The following WDPCP variants were observed in gnomAD, a reference collection of about 807,000 sequenced individuals.
The protein encoded by WDPCP is WD repeat containing planar cell polarity effector.
Under a neutral mutation model 93.1 loss-of-function variants are expected in WDPCP, and 71 were observed. The observed-to-expected ratio is 0.76, with a 90% CI of 0.63 to 0.93. The LOEUF (loss-of-function observed/expected upper bound fraction) is 0.93. Among genes scored for constraint, WDPCP ranks in the 40% least tolerant of loss-of-function variants. The pLI is 0.00. For synonymous variants in WDPCP, 315 were observed against 315.0 expected (o/e 1.00, Z 0.00); for missense variants, 844 against 887.4 (o/e 0.95, Z 0.62).
intron 1 of WDPCP, among the ~76,000 whole-genome samples, chr2:63,516,779 A>AAAAAAAACCC (rs1253403730): frequency 1.8e-4 from 27 of 151,702 alleles, no homozygotes; most frequent in Non-Finnish European, 3.1e-4. Flanking sequence ...GTTTTTTTTT[A>AAAAAAAACCC]AAGTTCTGAT....
At chr2:63,722,893 T>C (rs1393823471) in intron 2 of WDPCP, among the ~76,000 whole-genome samples, 1 of 151,998 alleles carries the variant, frequency 6.6e-6, no homozygotes. Flanking sequence ...GCCGTGTCTG[T>C]GTAGAAAGAA....
At chr2:63,339,715 G>T (rs1688701755) in intron 12 of WDPCP, among the ~76,000 whole-genome samples, 1 of 152,004 alleles carries the variant, frequency 6.6e-6, no homozygotes, top group South Asian at 2.1e-4. Flanking sequence ...CTCACCAGGA[G>T]TTTCCATATT....
intron 10 of WDPCP, among the ~76,000 whole-genome samples, chr2:63,393,509 C>T (rs780335598): frequency 2.6e-5 from 4 of 151,248 alleles, no homozygotes; most frequent in Non-Finnish European, 4.4e-5. Flanking sequence ...TGCACATGTA[C>T]CCTAGAACTT....
At chr2:63,699,223 T>G (rs1427676074) in intron 2 of WDPCP, among the ~76,000 whole-genome samples, 1 of 152,186 alleles carries the variant, frequency 6.6e-6, no homozygotes, top group Admixed American at 6.5e-5. Context: ...TCTGGCTCAC[T>G]GATAATGTAC....
chr2:63,459,303 T>A (rs1005341415), intron 6 of WDPCP, among the ~76,000 whole-genome samples: 5 of 152,054 alleles, frequency 3.3e-5, no homozygotes, highest in Admixed American at 3.3e-4. Context: ...GAGAAAATGT[T>A]TGCAAATTAC....
rs150810248 is a variant in WDPCP at position 63,792,434 on chromosome 2, C to T, written n.308+21188G>A. ...ATCACCTCCCACCAGGTCGCTCCCT[C>T]GACACATGGGATTATGGGGATTACA... On this transcript the variant is annotated intron_variant and non_coding_transcript_variant, in intron 2 of 4. Coordinates refer to the WDPCP transcript ENST00000467687. Among the ~76,000 whole-genome samples, 32 of 152,164 alleles carry T rather than the reference C, an allele frequency of 2.1e-4. No individual in the cohort carries two copies. In the East Asian group the frequency reaches 3.7e-3, roughly 17 times the overall value.
At chr2:63,630,313 C>G (rs999350881) in intron 3 of WDPCP, among the ~76,000 whole-genome samples, 1 of 151,944 alleles carries the variant, frequency 6.6e-6, no homozygotes, top group African/African-American at 2.4e-5. Flanking sequence ...GGAAAATGGT[C>G]TAAAGGCATC....
chr2:63,147,750 C>T (rs943780413), intron 17 of WDPCP, among the ~76,000 whole-genome samples: 4 of 152,076 alleles, frequency 2.6e-5, no homozygotes, highest in Non-Finnish European at 4.4e-5. Context: ...GGGCAGATCA[C>T]TTGAGCTCAG....
intron 17 of WDPCP, among the ~76,000 whole-genome samples, chr2:63,135,278 T>C (rs1021275251): frequency 1.3e-5 from 2 of 152,264 alleles, no homozygotes. Context: ...AGCCAAGCAC[T>C]GTCAGAACAT....
intron 9 of WDPCP, among the ~76,000 whole-genome samples, chr2:63,420,479 A>G (rs1208888685): frequency 2.6e-5 from 4 of 151,204 alleles, no homozygotes; most frequent in Non-Finnish European, 4.4e-5. Context: ...GGTTGTGGTG[A>G]GCCGACACGG....
intron 2 of WDPCP, among the ~76,000 whole-genome samples, chr2:63,753,281 TA>T (rs1669910079): frequency 6.6e-6 from 1 of 151,900 alleles, no homozygotes; most frequent in African/African-American, 2.4e-5. Context: ...AATACAAAAT[TA>T]GCCGTGCATG....
At chr2:63,649,296 C>A (rs1385993245) in intron 3 of WDPCP, among the ~76,000 whole-genome samples, 1 of 152,216 alleles carries the variant, frequency 6.6e-6, no homozygotes, top group African/African-American at 2.4e-5. Context: ...TAAATGGAAT[C>A]ATACAACATG....
intron 14 of WDPCP, among the ~76,000 whole-genome samples, chr2:63,200,202 T>C (rs1458408729): frequency 6.6e-6 from 1 of 151,914 alleles, no homozygotes; most frequent in Non-Finnish European, 1.5e-5. Context: ...ACTTGTCTTT[T>C]TTAAGATGAG....
chr2:63,408,506 G>A (rs1694772679), intron 9 of WDPCP, among the ~76,000 whole-genome samples: 1 of 152,182 alleles, frequency 6.6e-6, no homozygotes, highest in Non-Finnish European at 1.5e-5. Flanking sequence ...CCAGAAGGAA[G>A]ACGGGTAAAA....
intron 12 of WDPCP, among the ~76,000 whole-genome samples, chr2:63,349,659 G>A (rs1689443048): frequency 6.6e-6 from 1 of 152,016 alleles, no homozygotes; most frequent in South Asian, 2.1e-4. Flanking sequence ...ATATAAAAAA[G>A]GTATATAAAT....
chr2:63,712,413 A>G (rs1228561906), intron 2 of WDPCP, among the ~76,000 whole-genome samples: 1 of 152,258 alleles, frequency 6.6e-6, no homozygotes, highest in Non-Finnish European at 1.5e-5. Flanking sequence ...TGAAAGACGA[A>G]TATCAACTCC....
intron 14 of WDPCP, among the ~76,000 whole-genome samples, chr2:63,201,682 A>T (rs1675924665): frequency 6.6e-6 from 1 of 152,010 alleles, no homozygotes. Context: ...TTGTGGGGGG[A>T]GCACTTTAAG....
intron 1 of WDPCP, among the ~76,000 whole-genome samples, chr2:63,560,243 A>T (rs1255263854): frequency 6.6e-6 from 1 of 151,934 alleles, no homozygotes; most frequent in Non-Finnish European, 1.5e-5. Flanking sequence ...AAATAAAATA[A>T]AATAAAATTC....
intron 1 of WDPCP, among the ~76,000 whole-genome samples, chr2:63,547,287 G>A (rs1705223750): frequency 6.6e-6 from 1 of 151,900 alleles, no homozygotes; most frequent in South Asian, 2.1e-4. Flanking sequence ...AAGGAGAGTA[G>A]GCTCAACTAT....
Sources: gnomAD v4.1 joint callset for allele counts (sites outside exome capture counted in the v4.1 genomes callset) on GRCh38, gnomAD v4.1.1 for gene constraint, MANE v1.5 for transcripts, NCBI Gene and HGNC (gene_info 2026-07-23, HGNC 2026-07-21) for gene names.